Variants in CAST observed in about 807,000 individuals in gnomAD.
CAST encodes the protein calpastatin.
A neutral mutation model predicts 119.6 loss-of-function variants in CAST; 76 were observed. The observed-to-expected ratio is 0.64, with a 90% CI of 0.53 to 0.77. The LOEUF (loss-of-function observed/expected upper bound fraction) is 0.77. CAST is among the 30% of genes least tolerant of loss of function. CAST has a pLI of 0.00. For synonymous variants in CAST, 319 were observed against 331.6 expected (o/e 0.96, Z 0.41); for missense variants, 953 against 946.5 (o/e 1.01, Z -0.09).
chr5:96,270,198 A>G, the CAST span, among the ~76,000 whole-genome samples: 1 of 152,162 alleles, frequency 6.6e-6, no homozygotes, highest in Non-Finnish European at 1.5e-5. Flanking sequence ...ACATCCCTCT[A>G]TGACAAAAAC....
intron 1 of CAST, among the ~76,000 whole-genome samples, chr5:96,638,510 C>T (rs1413209061): frequency 6.6e-6 from 1 of 152,226 alleles, no homozygotes; most frequent in Non-Finnish European, 1.5e-5. Context: ...AAGCCTTTGA[C>T]ATTCTTCTGG....
the CAST span, among the ~76,000 whole-genome samples, chr5:95,980,835 G>A: frequency 6.6e-6 from 1 of 152,002 alleles, no homozygotes; most frequent in Non-Finnish European, 1.5e-5. Flanking sequence ...GGTGGCTGGG[G>A]ACCCCCAAGA....
At chr5:96,492,372 G>T in the CAST span, among the ~76,000 whole-genome samples, 1 of 152,106 alleles carries the variant, frequency 6.6e-6, no homozygotes, top group Non-Finnish European at 1.5e-5. Context: ...CAATATATTA[G>T]TCTCTCTAGT....
chr5:96,770,793 C>T (rs188883811), intron 30 of CAST, among the ~76,000 whole-genome samples, 191 bp downstream of exon 30: 138 of 152,242 alleles, frequency 9.1e-4, no homozygotes, highest in African/African-American at 3.0e-3. Context: ...GTAACTGGTG[C>T]TTTAAAATCC....
intron 22 of CAST, among the ~76,000 whole-genome samples, chr5:96,755,565 G>A (rs1435474067): frequency 2.6e-5 from 4 of 152,106 alleles, no homozygotes; most frequent in African/African-American, 4.8e-5. Flanking sequence ...TAAATGAGGC[G>A]GATTCGTGGA....
chr5:96,578,697 C>T (rs949491978), intron 1 of CAST, among the ~76,000 whole-genome samples: 1 of 152,030 alleles, frequency 6.6e-6, no homozygotes, highest in Non-Finnish European at 1.5e-5. Context: ...CCTGACTCAT[C>T]TCAGTGTTAG....
At chr5:96,212,234 A>G in the CAST span, among the ~76,000 whole-genome samples, 4 of 151,816 alleles carry the variant, frequency 2.6e-5, no homozygotes, top group African/African-American at 9.7e-5. Flanking sequence ...CTGATTTCAG[A>G]CTGTTTCTCT....
At chr5:96,244,659 T>G in the CAST span, among the ~76,000 whole-genome samples, 1 of 152,230 alleles carries the variant, frequency 6.6e-6, no homozygotes, top group African/African-American at 2.4e-5. Flanking sequence ...TGTTCATTAG[T>G]TATCAGCTAA....
intron 1 of CAST, among the ~76,000 whole-genome samples, chr5:96,553,013 C>T (rs1327229687): frequency 6.6e-6 from 1 of 152,156 alleles, no homozygotes; most frequent in Non-Finnish European, 1.5e-5. Flanking sequence ...CCTTCTGAAA[C>T]TATTCTGATC....
At chr5:96,357,992 C>G in the CAST span, among the ~76,000 whole-genome samples, 1 of 152,152 alleles carries the variant, frequency 6.6e-6, no homozygotes, top group South Asian at 2.1e-4. Context: ...CTATTAATTA[C>G]TGCCTCAATT....
the CAST span, among the ~76,000 whole-genome samples, chr5:96,062,104 C>T: frequency 6.6e-6 from 1 of 152,150 alleles, no homozygotes; most frequent in Non-Finnish European, 1.5e-5. Flanking sequence ...GGGAAGTCAG[C>T]ATCACTATCC....
chr5:96,423,288 C>T, the CAST span: 1 of 1,594,310 alleles, frequency 6.3e-7, no homozygotes, highest in Non-Finnish European at 8.6e-7. Flanking sequence ...CCCTAAGTCA[C>T]AGTCATGAGA....
chr5:96,127,595 G>A, the CAST span, among the ~76,000 whole-genome samples: 46 of 151,948 alleles, frequency 3.0e-4, 1 homozygote, highest in African/African-American at 1.1e-3. Flanking sequence ...ATGCTTTATG[G>A]TCTTTCTACA....
At chr5:96,762,136 T>A in intron 24 of CAST, 138 bp from the exon 25 acceptor site, 2 of 461,314 alleles carry the variant, frequency 4.3e-6, no homozygotes, top group Non-Finnish European at 7.8e-6. Context: ...TCTTTTAAAA[T>A]TATATGTTAT....
the CAST span, among the ~76,000 whole-genome samples, chr5:96,227,299 A>T: frequency 1.3e-5 from 2 of 152,212 alleles, no homozygotes; most frequent in African/African-American, 4.8e-5. Context: ...AAAAGAAGAT[A>T]ATCACTTGTG....
At chr5:96,187,817 C>G in the CAST span, among the ~76,000 whole-genome samples, 1 of 152,218 alleles carries the variant, frequency 6.6e-6, no homozygotes, top group African/African-American at 2.4e-5. Flanking sequence ...TCTTCAACTC[C>G]CAGTGCAAGG....
chr5:96,296,736 T>C, the CAST span, among the ~76,000 whole-genome samples: 1 of 152,228 alleles, frequency 6.6e-6, no homozygotes, highest in South Asian at 2.1e-4. Flanking sequence ...AACTCTCTGC[T>C]GATGTCTGCT....
At chr5:96,071,278 C>T in the CAST span, among the ~76,000 whole-genome samples, 10 of 152,230 alleles carry the variant, frequency 6.6e-5, no homozygotes, top group East Asian at 1.9e-3. Flanking sequence ...ATTTGAGTCT[C>T]AGGTCCCAGC....
the CAST span, among the ~76,000 whole-genome samples, chr5:96,477,526 C>G: frequency 6.6e-6 from 1 of 152,200 alleles, no homozygotes; most frequent in Non-Finnish European, 1.5e-5. Flanking sequence ...TTACTCTTAC[C>G]ACAGTCACCA....
Sources: allele counts gnomAD v4.1 joint callset (sites outside exome capture counted in the v4.1 genomes callset), GRCh38; gene constraint gnomAD v4.1.1; transcripts MANE v1.5; gene names NCBI Gene and HGNC (gene_info 2026-07-23, HGNC 2026-07-21).